The following ITPR2 variants were observed in gnomAD, a reference collection of about 807,000 sequenced individuals.
ITPR2 encodes the protein inositol 1,4,5-trisphosphate receptor type 2.
A neutral mutation model predicts 317.1 loss-of-function variants in ITPR2; 207 were observed. That is an observed-to-expected ratio of 0.65 (90% CI 0.58 to 0.73). The LOEUF (loss-of-function observed/expected upper bound fraction) is 0.73. ITPR2 is among the 30% of genes least tolerant of loss of function. The pLI, the probability that ITPR2 is intolerant of heterozygous loss-of-function variation, is 0.00. For missense variants in ITPR2, 2,613 were observed against 3,284.0 expected (o/e 0.80, Z 4.99); for synonymous variants, 1,156 against 1,149.1 (o/e 1.01, Z -0.12).
chr12:26,744,689 T>G (rs1351117316), intron 2 of ITPR2, among the ~76,000 whole-genome samples: 2 of 152,200 alleles, frequency 1.3e-5, no homozygotes, highest in African/African-American at 4.8e-5. Context: ...CAATTTGAAT[T>G]TTTATCACAA....
chr12:26,350,707 G>A (rs1279539269), intron 55 of ITPR2, among the ~76,000 whole-genome samples: 1 of 151,988 alleles, frequency 6.6e-6, no homozygotes, highest in African/African-American at 2.4e-5. Flanking sequence ...CAGCCCCCGA[G>A]AACCCACCTG....
At chr12:26,607,837 T>C (rs1192243813) in intron 26 of ITPR2, among the ~76,000 whole-genome samples, 1 of 152,074 alleles carries the variant, frequency 6.6e-6, no homozygotes, top group East Asian at 1.9e-4. Flanking sequence ...TCCCAGCACT[T>C]TGGGAGGCCG....
At chr12:26,524,840 A>T (rs541730058) in intron 37 of ITPR2, among the ~76,000 whole-genome samples, 2 of 152,386 alleles carry the variant, frequency 1.3e-5, no homozygotes, top group South Asian at 2.1e-4. Context: ...TTGTATAAAA[A>T]TATCACTAAA....
At chr12:26,824,442 C>G (rs1950982760) in intron 1 of ITPR2, among the ~76,000 whole-genome samples, 2 of 152,070 alleles carry the variant, frequency 1.3e-5, no homozygotes, top group Admixed American at 1.3e-4. Context: ...CCACAATACA[C>G]CTTAAAATAT....
chr12:26,366,141 CA>C (rs1939002869), intron 55 of ITPR2, among the ~76,000 whole-genome samples: 1 of 152,100 alleles, frequency 6.6e-6, no homozygotes, highest in Admixed American at 6.6e-5. Flanking sequence ...GTTCTCTTTG[CA>C]AACTCTAAAG....
intron 48 of ITPR2, among the ~76,000 whole-genome samples, chr12:26,435,157 C>T (rs534191638): frequency 1.1e-4 from 16 of 152,236 alleles, no homozygotes; most frequent in African/African-American, 3.9e-4. Context: ...TGTAATGAAC[C>T]TGTAAAATAG....
intron 45 of ITPR2, among the ~76,000 whole-genome samples, chr12:26,466,186 A>G (rs1291318730): frequency 1.3e-5 from 2 of 152,350 alleles, no homozygotes; most frequent in East Asian, 3.9e-4. Context: ...AACAAATCAG[A>G]AGTGTTGATC....
rs772443610 is a variant in ITPR2, at chr12:26,681,933, T to G, written c.1350A>C (p.Lys450Asn). The change falls in exon 13 of 57, where the codon AAA becomes AAC. Residue 450 changes from lysine to asparagine, a missense_variant. Around this residue, in one of 9 missense-constraint regions of ITPR2, gnomAD observed 515 missense variants for 789.4 expected, o/e 0.65. Transcript: ENST00000381340. ...RDLDFANDAN[K>N]VLATTVKKLE... The stretch of plus-strand genomic sequence containing the variant: ...GCTTTTTAACTGTGGTCGCTAGTAC[T>G]TTATTGGCATCATTGGCAAAGTCTA... The G allele has an allele frequency of 1.2e-5, 19 of 1,613,558 alleles. No homozygotes were observed. In the South Asian group the frequency reaches 2.0e-4, roughly 17 times the overall value.
intron 26 of ITPR2, 131 bp downstream of exon 26, chr12:26,620,992 T>C (rs1010977816): frequency 1.2e-5 from 9 of 758,956 alleles, no homozygotes; most frequent in Admixed American, 2.6e-5. Flanking sequence ...ACTTAGCAAA[T>C]GAAAATTTTG....
chr12:26,781,990 CTGTA>C lies in ITPR2; in HGVS notation c.163+8163_163+8166del, dbSNP rs1481232260. ...AGTTAATACTACTTAATAAACTCCC[CTGTA>C]TATATATATATATATATATATATAT... On this transcript the variant is annotated intron_variant, in intron 2 of 56. Transcript: ENST00000381340. Among the ~76,000 whole-genome samples, 429 of 60,290 alleles carry C rather than the reference CTGTA, an allele frequency of 7.1e-3. 6 individuals are homozygous for C. The highest frequency in any genetic ancestry group is 0.027 in the African/African-American group (409 of 15,000). The allele number at this position is 60,290 out of a possible 152,430, so 39.6% of individuals were successfully genotyped here.
At chr12:26,514,950 T>C (rs933493007) in intron 37 of ITPR2, among the ~76,000 whole-genome samples, 2 of 152,204 alleles carry the variant, frequency 1.3e-5, no homozygotes, top group Non-Finnish European at 2.9e-5. Flanking sequence ...TTGATCAGAA[T>C]AGTATCTATG....
intron 37 of ITPR2, among the ~76,000 whole-genome samples, chr12:26,496,074 C>A (rs1942925299): frequency 6.6e-6 from 1 of 151,998 alleles, no homozygotes; most frequent in African/African-American, 2.4e-5. Flanking sequence ...ACAGATAACT[C>A]CAAATCTTTT....
intron 21 of ITPR2, among the ~76,000 whole-genome samples, chr12:26,632,577 T>C (rs1216733306): frequency 6.6e-6 from 1 of 152,198 alleles, no homozygotes; most frequent in Admixed American, 6.5e-5. Flanking sequence ...AGGAGGACTG[T>C]TACCTTTATT....
chr12:26,634,606 C>T (rs1168741404), intron 21 of ITPR2, among the ~76,000 whole-genome samples: 1 of 152,066 alleles, frequency 6.6e-6, no homozygotes, highest in Non-Finnish European at 1.5e-5. Context: ...GAAGGAAACG[C>T]CAGGCACGGT....
Position 26,486,172 on chromosome 12 carries a change from T to C in ITPR2, c.5743A>G (p.Ile1915Val), listed in dbSNP as rs972594015. 7.4e-6 allele frequency: 12 copies of C among 1,614,190 alleles called. No individual in the cohort carries two copies. The highest frequency in any genetic ancestry group is 1.0e-5 in the Non-Finnish European group (12 of 1,180,012). Residue 1915 changes from isoleucine (I) to valine (V), a missense_variant, in exon 41 of 57, where the codon ATT becomes GTT. This residue lies in a region of ITPR2 where 926 missense variants were observed against 1,072.8 expected (regional missense o/e 0.86). Transcript: ENST00000381340. ...CTCAGTATTGGCTGCATGATGGCAA[T>C]TGCGGGACTCATTGTTACTTCCTCT... ...SAEEVTMSPA[I>V]AIMQPILRFL...
intron 45 of ITPR2, among the ~76,000 whole-genome samples, chr12:26,470,116 C>A (rs1448038205): frequency 6.6e-6 from 1 of 152,164 alleles, no homozygotes; most frequent in Middle Eastern, 3.2e-3. Flanking sequence ...GATTTTGGCC[C>A]TAATCTCTTC....
intron 34 of ITPR2, among the ~76,000 whole-genome samples, chr12:26,572,817 G>C (rs866077813): frequency 6.6e-6 from 1 of 152,050 alleles, no homozygotes; most frequent in East Asian, 1.9e-4. Flanking sequence ...GGTTGACATG[G>C]TAATAGTGGC....
At chr12:26,634,413 T>A (rs1339860590) in intron 21 of ITPR2, among the ~76,000 whole-genome samples, 1 of 152,204 alleles carries the variant, frequency 6.6e-6, no homozygotes, top group African/African-American at 2.4e-5. Flanking sequence ...TAATATTGAC[T>A]GGAAAGTTTT....
At chr12:26,627,659 A>C (rs149618320) in intron 23 of ITPR2, among the ~76,000 whole-genome samples, 6,246 of 152,260 alleles carry the variant, frequency 0.041, 463 homozygotes, top group African/African-American at 0.14. Context: ...ATTCTCAGCA[A>C]ACTAACACAG....
Sources: allele counts gnomAD v4.1 joint callset (sites outside exome capture counted in the v4.1 genomes callset), GRCh38; gene constraint gnomAD v4.1.1; regional missense constraint gnomAD v4.1.1; transcripts MANE v1.5; gene names NCBI Gene and HGNC (gene_info 2026-07-23, HGNC 2026-07-21).